The following MEX3C variants were observed in gnomAD, a reference collection of about 807,000 sequenced individuals.
The protein encoded by MEX3C is RNA-binding E3 ubiquitin-protein ligase MEX3C.
Under a neutral mutation model 35.5 loss-of-function variants are expected in MEX3C, and 15 were observed. That is an observed-to-expected ratio of 0.42 (90% CI 0.28 to 0.65). The LOEUF is 0.65. Ranked by LOEUF, MEX3C falls within the 30% of genes least tolerant of loss-of-function variation. MEX3C has a pLI of 0.20. For synonymous variants in MEX3C, 390 were observed against 352.8 expected (o/e 1.11, Z -1.18); for missense variants, 711 against 842.8 (o/e 0.84, Z 1.94).
Position 51,177,017 on chromosome 18 carries a change from C to T in MEX3C, c.1314G>A (p.Met438Ile). ...AACTATCATTTCGATAATTGGATAT[C>T]ATTCTTGCGCGGCTAGGAGGAACAG... ...SNPVPPSRAR[M>I]ISNYRNDSSS... Residue 438 changes from methionine to isoleucine, a missense_variant, in exon 2 of 2, where the codon ATG becomes ATA. This residue lies in a region of MEX3C where 187 missense variants were observed against 201.7 expected (regional missense o/e 0.93). Transcript: ENST00000406189. This position sits in a 1 kb window ranked among gnomAD's most constrained non-coding sequence, Gnocchi z 4.2. The T allele has an allele frequency of 6.2e-7, 1 of 1,613,984 alleles. No homozygotes were observed. Among genetic ancestry groups the T allele is most frequent in the Admixed American group, 1.7e-5 (1 of 60,014 alleles).
intron 1 of MEX3C, among the ~76,000 whole-genome samples, chr18:51,182,148 T>G (rs1171190210): frequency 1.3e-5 from 2 of 152,250 alleles, no homozygotes; most frequent in African/African-American, 4.8e-5. Context: ...TTATTATTGT[T>G]AATCTCTTAC....
In MEX3C at chr18:51,196,755, C is replaced by A; in HGVS notation, c.566G>T (p.Gly189Val). ...AAAAAAGVLYGGDDAQGMMAA... is the reference protein window; with the variant it reads ...AAAAAAGVLYVGDDAQGMMAA... ...CATCATGCCCTGGGCATCGTCCCCTCCGTACAGCACCCCCGCCGCCGCCGC... is the reference window on the plus strand; with the variant it reads ...CATCATGCCCTGGGCATCGTCCCCTACGTACAGCACCCCCGCCGCCGCCGC... The change falls in exon 1 of 2, where the codon GGA (glycine) becomes GTA (valine). Residue 189 changes from glycine to valine, a missense_variant. By Grantham distance (109) the Gly-to-Val change is moderately radical (BLOSUM62 -3). Transcript: ENST00000406189. The A allele has an allele frequency of 2.0e-6, 3 of 1,511,504 alleles. No individual in the cohort carries two copies. Among genetic ancestry groups the A allele is most frequent in the Admixed American group, 2.1e-5 (1 of 48,032 alleles). The allele number at this position is 1,511,504 out of a possible 1,614,324, so 93.6% of individuals were successfully genotyped here. A position where few individuals can be genotyped will look rare whatever the true frequency, so the allele number is the denominator to read the frequency against.
At chr18:51,194,255 C>G (rs1244533170) in intron 1 of MEX3C, 1 of 152,152 alleles carries the variant, frequency 6.6e-6, no homozygotes, top group African/African-American at 2.4e-5. Flanking sequence ...TGGTTCAGAA[C>G]AGCAAAAGGA....
intron 1 of MEX3C, among the ~76,000 whole-genome samples, chr18:51,191,977 TTTTATG>T (rs1164341353): frequency 6.6e-6 from 1 of 152,154 alleles, no homozygotes; most frequent in African/African-American, 2.4e-5. Flanking sequence ...ACTAAAACAT[TTTTATG>T]TTTAAGGCAA....
chr18:51,193,767 C>T (rs553460362), intron 1 of MEX3C: 1 of 152,362 alleles, frequency 6.6e-6, no homozygotes, highest in Admixed American at 6.5e-5. Flanking sequence ...GTCAAACACT[C>T]TGCCAACTTT....
chr18:51,188,780 T>C (rs976445546), intron 1 of MEX3C, among the ~76,000 whole-genome samples: 1 of 152,196 alleles, frequency 6.6e-6, no homozygotes, highest in African/African-American at 2.4e-5. Context: ...TAACCAATAT[T>C]AATAATGCAA....
chr18:51,196,770 G>A lies in MEX3C; in HGVS notation c.551C>T (p.Ala184Val). ...ATCGTCCCCTCCGTACAGCACCCCC[G>A]CCGCCGCCGCCGCGGCCGCCGCCTC... ...AREAAAAAAA[A>V]GVLYGGDDAQ... Residue 184 changes from alanine (A) to valine (V), a missense_variant, in exon 1 of 2, where the codon GCG becomes GTG. This residue lies in a region of MEX3C where 354 missense variants were observed against 311.6 expected (regional missense o/e 1.14). Transcript: ENST00000406189. 2.1e-6 allele frequency: 3 copies of A among 1,445,290 alleles called. No homozygotes were observed. Among genetic ancestry groups the A allele is most frequent in the Non-Finnish European group, 2.7e-6 (3 of 1,094,220 alleles). The allele number at this position is 1,445,290 out of a possible 1,614,324, so 89.5% of individuals were successfully genotyped here. A position where few individuals can be genotyped will look rare whatever the true frequency, so the allele number is the denominator to read the frequency against.
chr18:51,197,228 A>C lies in MEX3C; in HGVS notation c.93T>G (p.Pro31=), dbSNP rs1912831591. The part of the protein sequence containing the change: ...PPPPPPPPPP[P]LPPPSGGPEL... Reference sequence around the variant, plus strand: ...CCGGGCCGCCCGAGGGCGGCGGCAGAGGCGGCGGTGGCGGCGGCGGCGGCG... The same window carrying C: ...CCGGGCCGCCCGAGGGCGGCGGCAGCGGCGGCGGTGGCGGCGGCGGCGGCG... The change falls in exon 1 of 2, where the codon CCT becomes CCG. Residue 31 remains proline (P), a synonymous_variant. Transcript: ENST00000406189. The C allele has an allele frequency of 3.0e-6, 3 of 994,458 alleles. No individual in the cohort carries two copies. Among genetic ancestry groups the C allele is most frequent in the African/African-American group, 1.8e-5 (1 of 56,400 alleles). 61.6% of individuals were successfully genotyped at this position (994,458 alleles called of 1,614,324 possible).
intron 1 of MEX3C, among the ~76,000 whole-genome samples, chr18:51,182,277 GGCATCCCTGTTGGATAA>G (rs1912449029): frequency 2.7e-5 from 4 of 145,842 alleles, no homozygotes; most frequent in Middle Eastern, 3.6e-3. Context: ...GTCTTGGGAA[GGCATCCCTGTTGGATAA>G]GGGGGGGACT....
At position 51,177,519 on chromosome 18, in the gene MEX3C, C is replaced by T. The variant is rs754601042; in HGVS notation, c.812G>A (p.Arg271His). Residue 271 changes from arginine to histidine, a missense_variant, in exon 2 of 2, where the codon CGT (arginine) becomes CAT (histidine). Transcript: ENST00000406189. This position sits in a 1 kb window ranked among gnomAD's most constrained non-coding sequence, Gnocchi z 4.2. ...GACAACAAAAATGGGCTCTTCACCA[C>T]GAACAGGAGTCTTGATATACGTGTT... ...KTNTYIKTPV[R>H]GEEPIFVVTG... 2 of 1,613,798 alleles carry T rather than the reference C, an allele frequency of 1.2e-6. No homozygotes were observed.
rs1333525228 is a variant in MEX3C, at chr18:51,176,776, G to C, written c.1555C>G (p.Leu519Val). ...GAAGGATCACTCCCAAAGCCAGAGAGTGGGTTAACTGGTTCAAATGGAGTC... is the reference window on the plus strand; with the variant it reads ...GAAGGATCACTCCCAAAGCCAGAGACTGGGTTAACTGGTTCAAATGGAGTC... The part of the protein sequence containing the change: ...IWTPFEPVNP[L>V]SGFGSDPSGN... Residue 519 changes from leucine to valine, a missense_variant, in exon 2 of 2, where the codon CTC (leucine) becomes GTC (valine). Around this residue, in one of 4 missense-constraint regions of MEX3C, gnomAD observed 187 missense variants for 201.7 expected, o/e 0.93. Transcript: ENST00000406189. 1 of 1,614,048 alleles carries C rather than the reference G, an allele frequency of 6.2e-7. No homozygotes were observed. The highest frequency in any genetic ancestry group is 1.7e-5 in the Admixed American group (1 of 60,028).
chr18:51,196,767 CCCGCCGCCGCCGCCGCGG>C lies in MEX3C; in HGVS notation c.536_553del (p.Ala179_Ala184del). The C allele has an allele frequency of 6.7e-7, 1 of 1,486,408 alleles. No individual in the cohort carries two copies. The allele number at this position is 1,486,408 out of a possible 1,614,324, so 92.1% of individuals were successfully genotyped here. ...GGCATCGTCCCCTCCGTACAGCACC[CCCGCCGCCGCCGCCGCGG>C]CCGCCGCCTCCCGGGCATCGAACCT... is the stretch of plus-strand genomic sequence containing the variant. On this transcript the variant is annotated inframe_deletion, in exon 1 of 2. Coordinates refer to ENST00000406189, the MANE Select transcript of MEX3C (RefSeq NM_016626.5).
chr18:51,181,102 T>A (rs1214643440), intron 1 of MEX3C, among the ~76,000 whole-genome samples: 3 of 152,214 alleles, frequency 2.0e-5, no homozygotes, highest in African/African-American at 7.2e-5. Flanking sequence ...TTTGAGTTTT[T>A]ATTTGAAAAC....
At chr18:51,196,446 C>T in intron 1 of MEX3C, 121 bp downstream of exon 1, 5 of 1,463,176 alleles carry the variant, frequency 3.4e-6, no homozygotes, top group South Asian at 1.4e-5. Flanking sequence ...CTCCCAGACC[C>T]CTTCGCGGTG....
At chr18:51,193,848 C>T (rs1455852061) in intron 1 of MEX3C, 1 of 152,200 alleles carries the variant, frequency 6.6e-6, no homozygotes, top group African/African-American at 2.4e-5. Context: ...ACATGAGTTG[C>T]TAGTCTATGT....
intron 1 of MEX3C, chr18:51,192,852 A>G (rs1912681145): frequency 6.6e-6 from 1 of 152,216 alleles, no homozygotes; most frequent in Admixed American, 6.5e-5. Flanking sequence ...AGTACTAAGC[A>G]AAGAGAAGTC....
At chr18:51,192,434 C>T (rs1912671777) in intron 1 of MEX3C, among the ~76,000 whole-genome samples, 2 of 151,982 alleles carry the variant, frequency 1.3e-5, no homozygotes, top group African/African-American at 4.8e-5. Context: ...AAGCTAGTGT[C>T]TATATATATA....
rs181780060 is a variant in MEX3C at position 51,175,949 on chromosome 18, G to A, written c.*402C>T. 20 of 158,628 alleles carry A rather than the reference G, an allele frequency of 1.3e-4. No individual in the cohort carries two copies. The East Asian group carries it at 3.3e-3, about 26-fold the overall frequency. 9.8% of individuals were successfully genotyped at this position (158,628 alleles called of 1,614,324 possible). ...AGGCAGCACTGGAAGTGTATGAATCGTCTGTAATGCCAAGTACCCTCCATA... is the reference window on the plus strand; with the variant it reads ...AGGCAGCACTGGAAGTGTATGAATCATCTGTAATGCCAAGTACCCTCCATA... On this transcript the variant is annotated 3_prime_UTR_variant, in exon 2 of 2. Coordinates refer to ENST00000406189, the MANE Select transcript of MEX3C (RefSeq NM_016626.5).
chr18:51,192,971 T>C (rs1034183063), intron 1 of MEX3C: 22 of 152,190 alleles, frequency 1.4e-4, no homozygotes, highest in African/African-American at 4.6e-4. Flanking sequence ...AGAAAATTTA[T>C]GTACAGCAAG....
Sources: allele counts gnomAD v4.1 joint callset (sites outside exome capture counted in the v4.1 genomes callset), GRCh38; gene constraint gnomAD v4.1.1; regional missense constraint gnomAD v4.1.1; non-coding constraint Gnocchi (gnomAD v3.1); transcripts MANE v1.5; gene names NCBI Gene and HGNC (gene_info 2026-07-23, HGNC 2026-07-21).